Variants in SGCD observed in about 807,000 individuals in gnomAD.
SGCD encodes the protein sarcoglycan delta, also known as delta-sarcoglycan.
Under a neutral mutation model 36.6 loss-of-function variants are expected in SGCD, and 18 were observed. That is an observed-to-expected ratio of 0.49 (90% CI 0.34 to 0.73). The LOEUF (loss-of-function observed/expected upper bound fraction) is 0.73. Ranked by LOEUF, SGCD falls within the 30% of genes least tolerant of loss-of-function variation. SGCD has a pLI of 0.01. For missense variants in SGCD, 387 were observed against 346.7 expected (o/e 1.12, Z -0.92); for synonymous variants, 133 against 130.6 (o/e 1.02, Z -0.12).
chr5:156,301,610 C>T (rs1346642105), intron 3 of SGCD, among the ~76,000 whole-genome samples: 1 of 152,012 alleles, frequency 6.6e-6, no homozygotes, highest in African/African-American at 2.4e-5. Context: ...GAGTTTTGTA[C>T]TGTCACATGA....
chr5:156,119,825 A>G (rs1761991316), intron 2 of SGCD, among the ~76,000 whole-genome samples: 1 of 152,084 alleles, frequency 6.6e-6, no homozygotes, highest in African/African-American at 2.4e-5. Flanking sequence ...TTTTTAACAC[A>G]ACCTAACCAT....
At chr5:155,975,584 T>G (rs1220155553) in intron 1 of SGCD, among the ~76,000 whole-genome samples, 2 of 149,322 alleles carry the variant, frequency 1.3e-5, no homozygotes, top group Admixed American at 1.3e-4. Flanking sequence ...CAGAGAATCA[T>G]GTGTTATTTA....
At chr5:156,702,530 C>A (rs1391187458) in intron 7 of SGCD, among the ~76,000 whole-genome samples, 6 of 152,060 alleles carry the variant, frequency 3.9e-5, no homozygotes, top group Non-Finnish European at 5.9e-5. Context: ...AAGAATCTAA[C>A]TTTCTTTGGA....
chr5:156,418,814 A>T (rs561864816), intron 3 of SGCD, among the ~76,000 whole-genome samples: 1 of 152,286 alleles, frequency 6.6e-6, no homozygotes, highest in South Asian at 2.1e-4. Flanking sequence ...AGTCCATTTC[A>T]AGCAAAAGTT....
At chr5:156,141,327 G>A (rs1291965483) in intron 3 of SGCD, among the ~76,000 whole-genome samples, 1 of 152,082 alleles carries the variant, frequency 6.6e-6, no homozygotes, top group African/African-American at 2.4e-5. Context: ...TAGAGCCATG[G>A]GAGCAAGGTC....
At chr5:156,408,657 C>A (rs1772553744) in intron 3 of SGCD, among the ~76,000 whole-genome samples, 1 of 152,180 alleles carries the variant, frequency 6.6e-6, no homozygotes, top group Admixed American at 6.5e-5. Flanking sequence ...CCGCCCCCAG[C>A]CCCCATGTTG....
At chr5:156,734,635 C>T (rs1269655885) in intron 7 of SGCD, among the ~76,000 whole-genome samples, 1 of 152,008 alleles carries the variant, frequency 6.6e-6, no homozygotes, top group Non-Finnish European at 1.5e-5. Flanking sequence ...AAATTCTTTC[C>T]TCTGCTTGGT....
intron 6 of SGCD, among the ~76,000 whole-genome samples, chr5:156,627,417 A>G (rs1398081392): frequency 1.3e-5 from 2 of 152,138 alleles, no homozygotes; most frequent in African/African-American, 4.8e-5. Flanking sequence ...AATCATACTT[A>G]CTAGCTTACT....
intron 4 of SGCD, among the ~76,000 whole-genome samples, chr5:156,558,903 G>C (rs437395): frequency 0.13 from 19,771 of 152,078 alleles, 1,429 homozygotes; most frequent in Admixed American, 0.18. Context: ...CCTGAGAAAA[G>C]TTCTATACTC....
At chr5:156,428,255 AT>A (rs2127785538) in intron 3 of SGCD, among the ~76,000 whole-genome samples, 1 of 152,068 alleles carries the variant, frequency 6.6e-6, no homozygotes, top group South Asian at 2.1e-4. Context: ...ATTCTTCCTG[AT>A]TTAAGCTAGG....
At chr5:156,486,074 G>A (rs1441103327) in intron 3 of SGCD, among the ~76,000 whole-genome samples, 2 of 152,076 alleles carry the variant, frequency 1.3e-5, no homozygotes, top group African/African-American at 4.8e-5. Context: ...AGCAACTGTA[G>A]CATGATGCCA....
intron 4 of SGCD, among the ~76,000 whole-genome samples, chr5:156,550,604 G>T (rs1312699576): frequency 1.3e-5 from 2 of 152,204 alleles, no homozygotes; most frequent in Non-Finnish European, 2.9e-5. Context: ...GGAGGTTTAT[G>T]ACTCAATTTT....
At chr5:156,586,113 G>A (rs374191896) in intron 4 of SGCD, among the ~76,000 whole-genome samples, 7 of 150,784 alleles carry the variant, frequency 4.6e-5, no homozygotes, top group East Asian at 2.0e-4. Context: ...ATTGTATCCC[G>A]GAAACCACCT....
At chr5:155,972,053 A>AC (rs1758016325) in intron 1 of SGCD, among the ~76,000 whole-genome samples, 1 of 152,182 alleles carries the variant, frequency 6.6e-6, no homozygotes, top group Non-Finnish European at 1.5e-5. Context: ...TTAGGAATAG[A>AC]ATGATCATTC....
chr5:155,845,025 C>T, the SGCD span, among the ~76,000 whole-genome samples: 1 of 152,148 alleles, frequency 6.6e-6, no homozygotes. Flanking sequence ...TATTCCTCCC[C>T]TAGTCCCCCA....
intron 5 of SGCD, among the ~76,000 whole-genome samples, chr5:156,592,192 A>G (rs1329115794): frequency 6.6e-6 from 1 of 152,198 alleles, no homozygotes; most frequent in East Asian, 1.9e-4. Context: ...TCCACAGAGA[A>G]GTCCAAGCAT....
intron 6 of SGCD, among the ~76,000 whole-genome samples, chr5:156,640,572 T>C (rs1762991800): frequency 6.6e-6 from 1 of 152,222 alleles, no homozygotes; most frequent in African/African-American, 2.4e-5. Flanking sequence ...ACTTGTTAAC[T>C]ATTTATAGAC....
chr5:156,335,762 C>T (rs1768320347), intron 2 of SGCD, among the ~76,000 whole-genome samples: 1 of 152,158 alleles, frequency 6.6e-6, no homozygotes, highest in Non-Finnish European at 1.5e-5. Context: ...TGACTCCTGT[C>T]CTTTTTGACG....
chr5:156,142,149 T>A (rs1335153766), intron 3 of SGCD, among the ~76,000 whole-genome samples: 1 of 152,184 alleles, frequency 6.6e-6, no homozygotes, highest in Non-Finnish European at 1.5e-5. Flanking sequence ...GTGTAGCACC[T>A]CCCTGCCTTC....
Sources: gnomAD v4.1 joint callset for allele counts (sites outside exome capture counted in the v4.1 genomes callset) on GRCh38, gnomAD v4.1.1 for gene constraint, MANE v1.5 for transcripts, NCBI Gene and HGNC (gene_info 2026-07-23, HGNC 2026-07-21) for gene names.